SDC2: variants seen among roughly 807,000 people sequenced by gnomAD.
SDC2 encodes syndecan-2.
A neutral mutation model predicts 22.2 loss-of-function variants in SDC2; 13 were observed. The ratio of observed to expected loss-of-function variants is 0.59; its 90% CI spans 0.38 to 0.93. The LOEUF (loss-of-function observed/expected upper bound fraction) is 0.93. Ranked by LOEUF, SDC2 falls within the 40% of genes least tolerant of loss-of-function variation. SDC2 has a pLI of 0.00. For missense variants in SDC2, 235 were observed against 246.8 expected, an observed-to-expected ratio of 0.95 and a Z score of 0.32; for synonymous variants, 94 against 92.8, an observed-to-expected ratio of 1.01 and a Z score of -0.07.
At chr8:96,540,908 A>C (rs1358847225) in intron 1 of SDC2, among the ~76,000 whole-genome samples, 1 of 152,192 alleles carries the variant, frequency 6.6e-6, no homozygotes, top group Non-Finnish European at 1.5e-5. Context: ...AGGAAATAGA[A>C]GAGAGCCTTG....
At chr8:96,554,432 GA>G (rs1470150269) in intron 1 of SDC2, among the ~76,000 whole-genome samples, 1 of 151,644 alleles carries the variant, frequency 6.6e-6, no homozygotes, top group Non-Finnish European at 1.5e-5. Context: ...ATTTTAAAAG[GA>G]AAAAAAGTAG....
rs78094397 is a variant in SDC2, at chr8:96,590,967, A to G, written c.61-2513A>G. 2.0e-3 allele frequency among the ~76,000 whole-genome samples: 305 copies of G among 152,156 alleles called. 7 individuals carry two copies. The East Asian group carries it at 0.054, about 27-fold the overall frequency. ...CTAGACACACCCTGACTTCCACCCC[A>G]AGTCTTGTTGAAATACAGGCCTGAC... On this transcript the variant is annotated intron_variant, in intron 1 of 4. Coordinates refer to ENST00000302190, the MANE Select transcript of SDC2 (RefSeq NM_002998.4).
At chr8:96,505,330 G>T (rs1162500718) in intron 1 of SDC2, among the ~76,000 whole-genome samples, 3 of 152,002 alleles carry the variant, frequency 2.0e-5, no homozygotes, top group Non-Finnish European at 1.5e-5. Flanking sequence ...TTGAGACAGG[G>T]TCTCGCTCTG....
At chr8:96,535,507 G>T (rs1018449906) in intron 1 of SDC2, among the ~76,000 whole-genome samples, 1 of 152,220 alleles carries the variant, frequency 6.6e-6, no homozygotes, top group Non-Finnish European at 1.5e-5. Flanking sequence ...AGGAATAAAA[G>T]AGGCTTCTCA....
chr8:96,573,409 A>G (rs1327184838), intron 1 of SDC2, among the ~76,000 whole-genome samples: 2 of 20,198 alleles, frequency 9.9e-5, no homozygotes, highest in Non-Finnish European at 3.0e-4. Flanking sequence ...AAACCATGGG[A>G]TTGCTAAGGC....
chr8:96,607,698 C>T (rs929151335), intron 3 of SDC2, among the ~76,000 whole-genome samples: 4 of 151,950 alleles, frequency 2.6e-5, no homozygotes, highest in African/African-American at 4.8e-5. Flanking sequence ...CAGTGAGTGT[C>T]GTTCATTAGA....
At chr8:96,601,086 C>T (rs1814973758) in intron 2 of SDC2, among the ~76,000 whole-genome samples, 1 of 152,118 alleles carries the variant, frequency 6.6e-6, no homozygotes, top group Non-Finnish European at 1.5e-5. Flanking sequence ...AAGCCAGGAA[C>T]TCTTAGGAAC....
intron 1 of SDC2, among the ~76,000 whole-genome samples, chr8:96,503,121 A>C (rs572345763): frequency 6.6e-6 from 1 of 152,252 alleles, no homozygotes; most frequent in Non-Finnish European, 1.5e-5. Context: ...TTTCTGGCTG[A>C]TGAAAGGTTC....
intron 1 of SDC2, among the ~76,000 whole-genome samples, chr8:96,495,510 G>A (rs1344990601): frequency 2.0e-5 from 3 of 152,184 alleles, no homozygotes; most frequent in African/African-American, 7.2e-5. Flanking sequence ...GTGCCCTCTG[G>A]GGTCTCAGGG....
Position 96,609,375 on chromosome 8 carries a change from G to A in SDC2, c.443-10G>A, listed in dbSNP as rs756890631. The stretch of plus-strand genomic sequence containing the variant: ...CTCTTCTAAAGTAATCTTCCTTTTG[G>A]TTGTTTCAGCTGTCATTGCTGGTGG... On this transcript the variant is annotated splice_polypyrimidine_tract_variant and intron_variant, in intron 4 of 4. Transcript: ENST00000302190. The A allele has an allele frequency of 1.2e-6, 2 of 1,604,986 alleles. No homozygotes were observed. The highest frequency in any genetic ancestry group is 1.7e-6 in the Non-Finnish European group (2 of 1,175,592).
intron 1 of SDC2, among the ~76,000 whole-genome samples, chr8:96,541,107 C>G (rs2582837): frequency 0.57 from 86,971 of 151,862 alleles, 26,583 homozygotes; most frequent in Non-Finnish European, 0.7. Context: ...TATGTGTATA[C>G]ATACAGTGGA....
intron 1 of SDC2, among the ~76,000 whole-genome samples, chr8:96,510,410 C>T (rs905968501): frequency 6.6e-6 from 1 of 152,162 alleles, no homozygotes; most frequent in Non-Finnish European, 1.5e-5. Context: ...TTAGTTCATG[C>T]TTAAGCACAA....
At chr8:96,548,253 G>A (rs1448269895) in intron 1 of SDC2, among the ~76,000 whole-genome samples, 5 of 152,288 alleles carry the variant, frequency 3.3e-5, no homozygotes, top group Non-Finnish European at 5.9e-5. Context: ...TGAAAAACAG[G>A]ATGGTTTTCC....
At chr8:96,571,811 G>A (rs1254334135) in intron 1 of SDC2, among the ~76,000 whole-genome samples, 1 of 152,148 alleles carries the variant, frequency 6.6e-6, no homozygotes, top group Non-Finnish European at 1.5e-5. Context: ...CATAAACTTT[G>A]TCTTTGTCAG....
chr8:96,535,274 C>T (rs138713919), intron 1 of SDC2, among the ~76,000 whole-genome samples: 3,029 of 152,064 alleles, frequency 0.02, 94 homozygotes, highest in African/African-American at 0.068. Flanking sequence ...CCCAAAGTGC[C>T]GGGATTACAG....
At chr8:96,599,969 C>T (rs189140085) in intron 2 of SDC2, among the ~76,000 whole-genome samples, 1,801 of 152,108 alleles carry the variant, frequency 0.012, 29 homozygotes, top group Non-Finnish European at 0.016. Flanking sequence ...GTTGAGACCC[C>T]GTCTCAACAA....
At chr8:96,564,945 T>C (rs1814271572) in intron 1 of SDC2, among the ~76,000 whole-genome samples, 1 of 152,116 alleles carries the variant, frequency 6.6e-6, no homozygotes, top group South Asian at 2.1e-4. Flanking sequence ...TCATAAACTT[T>C]GATAAGTTAG....
chr8:96,601,002 T>G (rs1041846589), intron 2 of SDC2, among the ~76,000 whole-genome samples: 3 of 152,174 alleles, frequency 2.0e-5, no homozygotes, highest in African/African-American at 7.2e-5. Context: ...TCAGATACTC[T>G]TTGATATTTG....
chr8:96,543,171 A>G (rs775892883), intron 1 of SDC2, among the ~76,000 whole-genome samples: 1 of 152,200 alleles, frequency 6.6e-6, no homozygotes, highest in Non-Finnish European at 1.5e-5. Flanking sequence ...CAGTCATAGT[A>G]TAGGATCTTT....
Sources: allele counts gnomAD v4.1 joint callset (sites outside exome capture counted in the v4.1 genomes callset), GRCh38; gene constraint gnomAD v4.1.1; transcripts MANE v1.5; gene names NCBI Gene and HGNC (gene_info 2026-07-23, HGNC 2026-07-21).